The following NRK variants were observed in gnomAD, a reference collection of about 807,000 sequenced individuals.
NRK encodes the protein Nik related kinase, also known as nik-related protein kinase.
In NRK, 67 loss-of-function variants were observed where a neutral mutation model predicts 125.2. The observed-to-expected ratio is 0.54, with a 90% CI of 0.44 to 0.66. The LOEUF (loss-of-function observed/expected upper bound fraction) is 0.66, where lower values mean the gene tolerates loss of function less well. Ranked by LOEUF, NRK falls within the 30% of genes least tolerant of loss-of-function variation. The pLI is 0.00. For missense variants in NRK, 1,224 were observed against 1,192.9 expected, an observed-to-expected ratio of 1.03 and a Z score of -0.38; for synonymous variants, 458 against 429.0, an observed-to-expected ratio of 1.07 and a Z score of -0.84.
At chrX:105,858,475 G>C (rs1020839484) in intron 2 of NRK, among the ~76,000 whole-genome samples, 1 of 109,128 alleles carries the variant, frequency 9.2e-6, no homozygotes, top group African/African-American at 3.4e-5. Flanking sequence ...ATGCTATAGA[G>C]ATAGAATTGT....
intron 23 of NRK, 78 bp from the exon 24 acceptor site, chrX:105,943,863 T>C (rs2040778244): frequency 5.6e-6 from 3 of 535,611 alleles, no homozygotes; most frequent in Non-Finnish European, 9.1e-6. Context: ...GGTTATGGCA[T>C]TTTTTATGAC....
At chrX:105,928,205 T>G (rs1412846953) in intron 19 of NRK, among the ~76,000 whole-genome samples, 1 of 111,423 alleles carries the variant, frequency 9.0e-6, no homozygotes, top group African/African-American at 3.3e-5. Context: ...TATTTCTTCT[T>G]GGTACAATCT....
intron 15 of NRK, among the ~76,000 whole-genome samples, chrX:105,916,042 A>C (rs761521030): frequency 9.0e-6 from 1 of 110,980 alleles, no homozygotes; most frequent in South Asian, 3.7e-4. Context: ...AAGGTTCACA[A>C]TTTTAAAAAG....
chrX:105,844,004 T>TGG (rs2039365488), intron 2 of NRK, among the ~76,000 whole-genome samples: 1 of 89,401 alleles, frequency 1.1e-5, no homozygotes, highest in Admixed American at 1.1e-4. Context: ...TGTGTGTGTG[T>TGG]GTGTGTGTGT....
chrX:105,904,375 C>G (rs1459887377), intron 9 of NRK, among the ~76,000 whole-genome samples: 2 of 111,381 alleles, frequency 1.8e-5, no homozygotes, highest in African/African-American at 3.3e-5. Flanking sequence ...TATTTTTATG[C>G]CTGTGTGTAT....
chrX:105,916,145 A>T (rs779857042), intron 15 of NRK, among the ~76,000 whole-genome samples: 26 of 111,589 alleles, frequency 2.3e-4, no homozygotes, highest in African/African-American at 8.1e-4. Flanking sequence ...CATGTGCTGC[A>T]TGATAAAACA....
At chrX:105,851,821 G>T (rs1310525435) in intron 2 of NRK, among the ~76,000 whole-genome samples, 1 of 111,091 alleles carries the variant, frequency 9.0e-6, no homozygotes, top group Admixed American at 9.6e-5. Flanking sequence ...GATGAAGGGA[G>T]CCTGCTTTTC....
intron 4 of NRK, among the ~76,000 whole-genome samples, chrX:105,887,573 C>T (rs1237254446): frequency 8.9e-6 from 1 of 111,987 alleles, no homozygotes; most frequent in Non-Finnish European, 1.9e-5. Context: ...TTCATAGAAG[C>T]ATTATTCATA....
Position 105,888,397 on chromosome X carries a change from CT to C in NRK, c.357del (p.Gly120ValfsTer9), listed in dbSNP as rs1242221398. The C allele has an allele frequency of 6.7e-6, 8 of 1,198,308 alleles. No homozygotes were observed. Among genetic ancestry groups the C allele is most frequent in the Non-Finnish European group, 9.0e-6 (8 of 887,994 alleles). On this transcript the variant is annotated frameshift_variant, in exon 5 of 29. Coordinates refer to ENST00000243300, the MANE Select transcript of NRK (RefSeq NM_198465.4). LOFTEE classifies it high-confidence loss of function. ...FYGAFFKLSP[P>X]GQRHQLWMVM... ...GGAGCATTTTTCAAGCTGAGTCCCC[CT>C]GGTCAGCGGCACCAACTTTGGGTAT...
intron 2 of NRK, among the ~76,000 whole-genome samples, chrX:105,853,984 T>C (rs1374581092): frequency 8.9e-6 from 1 of 112,107 alleles, no homozygotes; most frequent in East Asian, 2.8e-4. Flanking sequence ...TTTTGGGGGC[T>C]GCCTTCACAA....
intron 13 of NRK, among the ~76,000 whole-genome samples, chrX:105,910,538 C>T (rs970956701): frequency 2.7e-5 from 3 of 112,428 alleles, no homozygotes; most frequent in Non-Finnish European, 5.6e-5. Flanking sequence ...CCAACAGGTT[C>T]GTATGCCCAC....
At position 105,831,113 on chromosome X, in the gene NRK, C is replaced by G; in HGVS notation, c.117C>G (p.Ile39Met). The change falls in exon 2 of 29, where the codon ATC becomes ATG. Residue 39 changes from isoleucine to methionine, a missense_variant. Physicochemically the swap from Ile to Met is conservative, Grantham distance 10 (BLOSUM62 1). Coordinates refer to ENST00000243300, the MANE Select transcript of NRK (RefSeq NM_198465.4). ...TTGGCCTTGGTACTTATGGCAGAAT[C>G]TATTTGGTAAGTTGACTTACATTAT... ...KTIGLGTYGR[I>M]YLGLHEKTGA... 1.8e-6 allele frequency: 2 copies of G among 1,105,414 alleles called. No homozygotes were observed. The highest frequency in any genetic ancestry group is 1.2e-6 in the Non-Finnish European group (1 of 804,113). 91.1% of individuals were successfully genotyped at this position (1,105,414 alleles called of 1,213,427 possible). A position where few individuals can be genotyped will look rare whatever the true frequency, so the allele number is the denominator to read the frequency against.
chrX:105,954,490 C>A (rs1283333759), intron 28 of NRK, among the ~76,000 whole-genome samples: 1 of 109,967 alleles, frequency 9.1e-6, no homozygotes. Flanking sequence ...ACTATGATTG[C>A]TGCCTTTGTC....
intron 5 of NRK, among the ~76,000 whole-genome samples, chrX:105,889,396 C>G (rs957957013): frequency 8.9e-6 from 1 of 111,932 alleles, no homozygotes; most frequent in East Asian, 2.8e-4. Flanking sequence ...GTGTCTGTGG[C>G]TTTTCCAGGC....
chrX:105,841,893 A>C (rs1344516405), intron 2 of NRK, among the ~76,000 whole-genome samples: 1 of 111,023 alleles, frequency 9.0e-6, no homozygotes, highest in Non-Finnish European at 1.9e-5. Context: ...GGTAGCTACC[A>C]TTGTTTTCAT....
chrX:105,868,422 G>A (rs950490020), intron 2 of NRK, among the ~76,000 whole-genome samples: 1 of 110,826 alleles, frequency 9.0e-6, no homozygotes, highest in Admixed American at 9.7e-5. Flanking sequence ...CTCCCTCCAC[G>A]TACTCCTCCT....
At chrX:105,923,509 CT>C in intron 18 of NRK, 27 bp downstream of exon 18, 1 of 1,051,184 alleles carries the variant, frequency 9.5e-7, no homozygotes, top group Admixed American at 3.8e-5. Flanking sequence ...TACTTATACT[CT>C]CCATGTTTTA....
intron 23 of NRK, among the ~76,000 whole-genome samples, chrX:105,943,411 G>C (rs1476275547): frequency 1.8e-5 from 2 of 111,864 alleles, no homozygotes; most frequent in Non-Finnish European, 3.8e-5. Context: ...GTACCATACT[G>C]CTTTGATTAC....
Position 105,924,687 on chromosome X carries a change from G to C in NRK, c.2976-8G>C. 1 of 1,178,466 alleles carries C rather than the reference G, an allele frequency of 8.5e-7. No homozygotes were observed. The highest frequency in any genetic ancestry group is 1.1e-6 in the Non-Finnish European group (1 of 877,534). On this transcript the variant is annotated splice_region_variant and splice_polypyrimidine_tract_variant and intron_variant, in intron 18 of 28. Coordinates refer to ENST00000243300, the MANE Select transcript of NRK (RefSeq NM_198465.4). ...GACTTTCTTTCATTAATTGGAGCTT[G>C]TTGTCAGGGCAAGCTATGGCAGAGA...
Sources: allele counts gnomAD v4.1 joint callset (sites outside exome capture counted in the v4.1 genomes callset), GRCh38; gene constraint gnomAD v4.1.1; transcripts MANE v1.5; gene names NCBI Gene and HGNC (gene_info 2026-07-23, HGNC 2026-07-21).